The following RBMS3 variants were observed in gnomAD, a reference collection of about 807,000 sequenced individuals.
RBMS3 encodes RNA binding motif single stranded interacting protein 3, also known as RNA-binding motif, single-stranded-interacting protein 3.
In RBMS3, 27 loss-of-function variants were observed where a neutral mutation model predicts 66.8. That is an observed-to-expected ratio of 0.40 (90% confidence interval 0.30 to 0.56). The LOEUF (loss-of-function observed/expected upper bound fraction) is 0.56, where lower values mean the gene tolerates loss of function less well. Ranked by LOEUF, RBMS3 falls within the 20% of genes least tolerant of loss-of-function variation. The pLI is 0.40. For missense variants in RBMS3, 513 were observed against 549.5 expected (o/e 0.93, Z 0.66); for synonymous variants, 188 against 183.0 (o/e 1.03, Z -0.22).
intron 7 of RBMS3, among the ~76,000 whole-genome samples, chr3:29,871,667 A>C (rs1388858013): frequency 6.6e-6 from 1 of 152,180 alleles, no homozygotes; most frequent in Non-Finnish European, 1.5e-5. Flanking sequence ...ATAATAGCAC[A>C]GACTGAGGCT....
chr3:29,927,832 G>A (rs2060982474), intron 10 of RBMS3, among the ~76,000 whole-genome samples: 1 of 152,090 alleles, frequency 6.6e-6, no homozygotes, highest in Admixed American at 6.6e-5. Context: ...ACCTGTAGAA[G>A]CCTCTTTTTG....
chr3:29,667,975 AC>A (rs1190671113), intron 4 of RBMS3, among the ~76,000 whole-genome samples: 1 of 152,180 alleles, frequency 6.6e-6, no homozygotes, highest in African/African-American at 2.4e-5. Context: ...GGAGATGTTC[AC>A]CAAGACACTT....
At chr3:29,326,360 T>C (rs181410641) in intron 1 of RBMS3, among the ~76,000 whole-genome samples, 2 of 152,244 alleles carry the variant, frequency 1.3e-5, no homozygotes, top group Admixed American at 6.5e-5. Context: ...GCTAATTACT[T>C]TCTGTTTATT....
At chr3:29,880,990 A>G (rs2059723818) in intron 7 of RBMS3, among the ~76,000 whole-genome samples, 1 of 151,080 alleles carries the variant, frequency 6.6e-6, no homozygotes, top group Non-Finnish European at 1.5e-5. Context: ...CTTTAAGTAT[A>G]TAATGTCCCC....
intron 4 of RBMS3, among the ~76,000 whole-genome samples, chr3:29,599,331 A>G (rs940961239): frequency 2.1e-4 from 32 of 151,994 alleles, no homozygotes; most frequent in African/African-American, 7.0e-4. Context: ...TTCACACTGC[A>G]TGCCTGTATC....
chr3:29,702,957 G>A (rs1473996887), intron 4 of RBMS3, among the ~76,000 whole-genome samples: 4 of 152,202 alleles, frequency 2.6e-5, no homozygotes, highest in Admixed American at 1.3e-4. Flanking sequence ...ATTGTTGGAA[G>A]CCCTAGAGTG....
chr3:29,534,572 C>A (rs2045481972), intron 3 of RBMS3, among the ~76,000 whole-genome samples: 1 of 152,092 alleles, frequency 6.6e-6, no homozygotes, highest in South Asian at 2.1e-4. Context: ...CCTAAAGGTT[C>A]TTTACACCTT....
At chr3:29,762,178 A>T (rs1183646651) in intron 5 of RBMS3, among the ~76,000 whole-genome samples, 1 of 152,178 alleles carries the variant, frequency 6.6e-6, no homozygotes, top group Non-Finnish European at 1.5e-5. Flanking sequence ...ATAAGATAGT[A>T]TGAAAAAATA....
intron 3 of RBMS3, among the ~76,000 whole-genome samples, chr3:29,517,212 C>T (rs368498959): frequency 6.7e-6 from 1 of 149,184 alleles, no homozygotes. Context: ...GACCATGTCT[C>T]TAAAAAAAGA....
chr3:29,775,506 G>A (rs1244261506), intron 6 of RBMS3, among the ~76,000 whole-genome samples: 1 of 151,978 alleles, frequency 6.6e-6, no homozygotes, highest in African/African-American at 2.4e-5. Context: ...AGTAGCATGC[G>A]AATGAGTCTG....
intron 4 of RBMS3, among the ~76,000 whole-genome samples, chr3:29,688,061 C>T (rs1160031950): frequency 1.3e-5 from 2 of 152,104 alleles, no homozygotes; most frequent in East Asian, 3.8e-4. Flanking sequence ...ATTATTTTCA[C>T]CCAGCTCTAC....
chr3:29,568,087 C>T (rs1479470120), intron 3 of RBMS3, among the ~76,000 whole-genome samples: 1 of 152,112 alleles, frequency 6.6e-6, no homozygotes, highest in Non-Finnish European at 1.5e-5. Context: ...ATAAAATGTT[C>T]ACTGGAATTT....
At chr3:29,357,501 A>G (rs2037296470) in intron 1 of RBMS3, among the ~76,000 whole-genome samples, 1 of 152,202 alleles carries the variant, frequency 6.6e-6, no homozygotes, top group South Asian at 2.1e-4. Flanking sequence ...TAGTGCCGCA[A>G]TAAACATACA....
chr3:29,325,636 A>G (rs1328324179), intron 1 of RBMS3, among the ~76,000 whole-genome samples: 1 of 85,776 alleles, frequency 1.2e-5, no homozygotes, highest in Non-Finnish European at 2.3e-5. Context: ...GTATGTATAT[A>G]TATACACATA....
intron 4 of RBMS3, among the ~76,000 whole-genome samples, chr3:29,678,647 A>T (rs1419339843): frequency 6.6e-6 from 1 of 152,136 alleles, no homozygotes; most frequent in Non-Finnish European, 1.5e-5. Context: ...TACAAATTTT[A>T]TGGTTTGACA....
chr3:29,746,450 G>A (rs533413851), intron 5 of RBMS3, among the ~76,000 whole-genome samples: 2 of 152,314 alleles, frequency 1.3e-5, no homozygotes, highest in East Asian at 3.9e-4. Flanking sequence ...TTCTGAGATT[G>A]AAGAGAATAA....
intron 2 of RBMS3, among the ~76,000 whole-genome samples, chr3:29,436,887 C>A (rs969015277): frequency 2.0e-5 from 3 of 152,188 alleles, no homozygotes; most frequent in Non-Finnish European, 4.4e-5. Context: ...TCTTGAAGAA[C>A]ACCAACTATT....
intron 14 of RBMS3, among the ~76,000 whole-genome samples, chr3:29,999,744 A>T (rs1390494019): frequency 8.4e-5 from 12 of 143,444 alleles, no homozygotes; most frequent in Non-Finnish European, 1.8e-4. Flanking sequence ...AACATCACAC[A>T]CCGGGGACTG....
intron 4 of RBMS3, chr3:29,641,190 A>G (rs376960754): frequency 1.3e-5 from 2 of 152,000 alleles, no homozygotes; most frequent in African/African-American, 4.8e-5. Flanking sequence ...TACATATTGT[A>G]TTTTAATCTG....
Sources: gnomAD v4.1 joint callset for allele counts (sites outside exome capture counted in the v4.1 genomes callset) on GRCh38, gnomAD v4.1.1 for gene constraint, MANE v1.5 for transcripts, NCBI Gene and HGNC (gene_info 2026-07-23, HGNC 2026-07-21) for gene names.